Variants in DISC1 observed in about 807,000 individuals in gnomAD.
The protein encoded by DISC1 is DISC1 scaffold protein, also known as disrupted in schizophrenia 1 protein.
DISC1 carries 57 observed loss-of-function variants against 84.5 expected under a neutral mutation model. That is an observed-to-expected ratio of 0.67 (90% confidence interval 0.55 to 0.84). DISC1 has a LOEUF of 0.84. Among genes scored for constraint, DISC1 ranks in the 40% least tolerant of loss-of-function variants. DISC1 has a pLI of 0.00. For synonymous variants in DISC1, 411 were observed against 415.2 expected, an observed-to-expected ratio of 0.99 and a Z score of 0.12; for missense variants, 1,000 against 1,057.8, an observed-to-expected ratio of 0.95 and a Z score of 0.76.
intron 9 of DISC1, among the ~76,000 whole-genome samples, chr1:231,933,880 T>TC (rs529938494): frequency 2.1e-4 from 32 of 152,260 alleles, no homozygotes; most frequent in Non-Finnish European, 3.5e-4. Flanking sequence ...TGAGTCAGGG[T>TC]GAGACACCAA....
intron 4 of DISC1, among the ~76,000 whole-genome samples, chr1:231,752,138 A>G (rs1416235245): frequency 1.3e-5 from 2 of 152,304 alleles, no homozygotes; most frequent in African/African-American, 4.8e-5. Flanking sequence ...CTGCTATATT[A>G]TTATCTCTTT....
chr1:231,974,421 A>C (rs1034478176), intron 10 of DISC1, among the ~76,000 whole-genome samples: 1 of 152,214 alleles, frequency 6.6e-6, no homozygotes, highest in African/African-American at 2.4e-5. Flanking sequence ...ATGCAAGCCT[A>C]TGTGCAGGTC....
At chr1:232,008,102 G>T (rs1667685322) in intron 10 of DISC1, among the ~76,000 whole-genome samples, 1 of 152,110 alleles carries the variant, frequency 6.6e-6, no homozygotes, top group Admixed American at 6.6e-5. Context: ...TCTTTCCTTT[G>T]TAAATTAACG....
At chr1:231,860,092 CTG>C (rs1370702652) in intron 9 of DISC1, among the ~76,000 whole-genome samples, 1 of 152,180 alleles carries the variant, frequency 6.6e-6, no homozygotes, top group Non-Finnish European at 1.5e-5. Context: ...GGGTGAAAAA[CTG>C]AGAAATGGAG....
chr1:231,776,925 T>G (rs1228757669), intron 6 of DISC1, among the ~76,000 whole-genome samples: 9 of 152,118 alleles, frequency 5.9e-5, no homozygotes, highest in Non-Finnish European at 1.5e-5. Context: ...TTAATGCTCT[T>G]GCCCCGGGGG....
At chr1:231,681,445 G>T (rs1454664002) in intron 1 of DISC1, among the ~76,000 whole-genome samples, 1 of 151,964 alleles carries the variant, frequency 6.6e-6, no homozygotes, top group Non-Finnish European at 1.5e-5. Flanking sequence ...TTGGCCTCCT[G>T]GGGAACTTCA....
intron 11 of DISC1, among the ~76,000 whole-genome samples, chr1:232,022,594 C>G (rs2103032453): frequency 6.6e-6 from 1 of 152,262 alleles, no homozygotes; most frequent in South Asian, 2.1e-4. Flanking sequence ...GCGTGAGCCA[C>G]CGCACCCAGC....
intron 1 of DISC1, among the ~76,000 whole-genome samples, chr1:231,682,465 C>T (rs2063789843): frequency 6.6e-6 from 1 of 152,086 alleles, no homozygotes; most frequent in African/African-American, 2.4e-5. Flanking sequence ...CATGGTATAG[C>T]ACGGTTAAAG....
intron 1 of DISC1, among the ~76,000 whole-genome samples, chr1:231,627,831 G>A (rs533668622): frequency 6.6e-6 from 1 of 152,280 alleles, no homozygotes; most frequent in South Asian, 2.1e-4. Context: ...TGTTGTATGG[G>A]AAATCAATTT....
At chr1:231,890,805 T>G (rs2087148959) in intron 9 of DISC1, among the ~76,000 whole-genome samples, 1 of 152,266 alleles carries the variant, frequency 6.6e-6, no homozygotes. Flanking sequence ...GATACATCTC[T>G]TACTTACTGA....
At chr1:231,890,656 T>C (rs1349282403) in intron 9 of DISC1, among the ~76,000 whole-genome samples, 1 of 152,204 alleles carries the variant, frequency 6.6e-6, no homozygotes, top group African/African-American at 2.4e-5. Flanking sequence ...ATGGTGGTGA[T>C]GGTTGCACAG....
intron 5 of DISC1, among the ~76,000 whole-genome samples, chr1:231,767,949 G>T (rs1456301373): frequency 6.6e-6 from 1 of 152,228 alleles, no homozygotes. Flanking sequence ...GTGAGCTGCA[G>T]TTGTTAAGAG....
intron 11 of DISC1, among the ~76,000 whole-genome samples, chr1:232,015,439 C>A (rs1650620473): frequency 6.6e-6 from 1 of 152,298 alleles, no homozygotes; most frequent in Middle Eastern, 3.4e-3. Flanking sequence ...GGCAAGGACT[C>A]ATTTTCTGCG....
chr1:231,754,240 C>T (rs1031906951), intron 4 of DISC1, among the ~76,000 whole-genome samples: 4 of 152,092 alleles, frequency 2.6e-5, no homozygotes, highest in South Asian at 2.1e-4. Flanking sequence ...AGTCCATTTT[C>T]ACATTATTAT....
intron 8 of DISC1, among the ~76,000 whole-genome samples, 161 bp downstream of exon 8, chr1:231,800,371 C>G (rs550168444): frequency 6.6e-6 from 1 of 152,116 alleles, no homozygotes; most frequent in East Asian, 1.9e-4. Context: ...CATAATATAG[C>G]ACAAGGTGTT....
intron 9 of DISC1, among the ~76,000 whole-genome samples, chr1:231,854,298 A>G (rs1035997650): frequency 2.0e-5 from 3 of 152,214 alleles, no homozygotes; most frequent in African/African-American, 7.2e-5. Flanking sequence ...TCTGAGGGAC[A>G]ACTGAAGTGA....
rs534865761 is a variant in DISC1 at position 231,686,071 on chromosome 1, T to C, written c.68-7755T>C. Among the ~76,000 whole-genome samples the C allele has an allele frequency of 2.6e-5, 4 of 152,326 alleles. No homozygotes were observed. The East Asian group carries it at 7.7e-4, about 29-fold the overall frequency. ...ATGGTCTGGGGCAGCTCCACCCCTG[T>C]CGCTTTGCAGGGTACAGCCTCCCTC... On this transcript the variant is annotated intron_variant, in intron 1 of 12. Coordinates refer to ENST00000439617, the MANE Select transcript of DISC1 (RefSeq NM_018662.3).
chr1:231,732,329 A>G (rs12029621), intron 3 of DISC1, among the ~76,000 whole-genome samples: 27,707 of 152,220 alleles, frequency 0.18, 2,690 homozygotes, highest in East Asian at 0.3. Context: ...AGAGACAAGA[A>G]GTGCCCCAGC....
intron 9 of DISC1, among the ~76,000 whole-genome samples, chr1:231,854,251 C>T (rs949688131): frequency 1.3e-5 from 2 of 152,136 alleles, no homozygotes; most frequent in African/African-American, 4.8e-5. Context: ...TCAAATTCCT[C>T]ATCTATAAAG....
Sources: allele counts gnomAD v4.1 joint callset (sites outside exome capture counted in the v4.1 genomes callset), GRCh38; gene constraint gnomAD v4.1.1; transcripts MANE v1.5; gene names NCBI Gene and HGNC (gene_info 2026-07-23, HGNC 2026-07-21).